Variants in CSMD3 observed in about 807,000 individuals in gnomAD.
The protein encoded by CSMD3 is CUB and sushi domain-containing protein 3.
A neutral mutation model predicts 435.2 loss-of-function variants in CSMD3; 177 were observed. That is an observed-to-expected ratio of 0.41 (90% CI 0.36 to 0.46). The LOEUF is 0.46. CSMD3 is among the 20% of genes least tolerant of loss of function. The probability of loss-of-function intolerance (pLI) is 0.34; values close to 1 mark genes in which losing one functional copy is unlikely to be tolerated. For synonymous variants in CSMD3, 1,656 were observed against 1,520.5 expected, an observed-to-expected ratio of 1.09 and a Z score of -2.07; for missense variants, 4,265 against 4,504.6, an observed-to-expected ratio of 0.95 and a Z score of 1.52.
At chr8:112,773,901 T>TA (rs1318499638) in intron 13 of CSMD3, among the ~76,000 whole-genome samples, 1 of 152,022 alleles carries the variant, frequency 6.6e-6, no homozygotes, top group Non-Finnish European at 1.5e-5. Context: ...GCGTGAGCTT[T>TA]TAGGAAAGCA....
At chr8:112,340,506 C>T (rs977308703) in intron 42 of CSMD3, among the ~76,000 whole-genome samples, 1 of 152,040 alleles carries the variant, frequency 6.6e-6, no homozygotes, top group African/African-American at 2.4e-5. Context: ...GCTTATGATA[C>T]TCCAATGAAC....
intron 27 of CSMD3, among the ~76,000 whole-genome samples, chr8:112,538,622 C>T (rs982303436): frequency 2.6e-5 from 4 of 151,482 alleles, no homozygotes; most frequent in African/African-American, 4.9e-5. Context: ...ATATAAAATA[C>T]CTAGAAATAA....
At chr8:113,091,050 T>C (rs924518312) in intron 5 of CSMD3, among the ~76,000 whole-genome samples, 2 of 152,148 alleles carry the variant, frequency 1.3e-5, no homozygotes, top group African/African-American at 4.8e-5. Context: ...TATCTTTTTA[T>C]ACTTTGCTCT....
intron 9 of CSMD3, among the ~76,000 whole-genome samples, chr8:112,945,438 T>C (rs1160195013): frequency 6.6e-6 from 1 of 151,756 alleles, no homozygotes; most frequent in East Asian, 1.9e-4. Context: ...GCAGGTGAGC[T>C]AAATGAGTAA....
chr8:112,468,234 A>G (rs7835916), intron 32 of CSMD3, among the ~76,000 whole-genome samples: 1,377 of 93,654 alleles, frequency 0.015, 54 homozygotes, highest in East Asian at 0.11. Flanking sequence ...TGCCTAAAGT[A>G]TTTTTTTTTT....
chr8:112,279,724 C>T (rs1818445852), intron 59 of CSMD3, among the ~76,000 whole-genome samples: 1 of 152,086 alleles, frequency 6.6e-6, no homozygotes, highest in Non-Finnish European at 1.5e-5. Context: ...ATTACCACAG[C>T]CTAAATACCC....
chr8:113,150,851 G>A (rs2091789062), intron 4 of CSMD3, among the ~76,000 whole-genome samples: 1 of 151,956 alleles, frequency 6.6e-6, no homozygotes, highest in African/African-American at 2.4e-5. Flanking sequence ...ATTTAGAACT[G>A]ACATCGTTCT....
intron 12 of CSMD3, among the ~76,000 whole-genome samples, chr8:112,810,532 T>A (rs943285635): frequency 2.0e-5 from 3 of 152,114 alleles, no homozygotes; most frequent in Non-Finnish European, 4.4e-5. Flanking sequence ...ACTGTTATTA[T>A]AATTAAATTA....
intron 58 of CSMD3, among the ~76,000 whole-genome samples, chr8:112,282,624 G>A (rs59534399): frequency 0.24 from 35,801 of 151,840 alleles, 4,376 homozygotes; most frequent in East Asian, 0.36. Context: ...TGGCCAAATC[G>A]TACTGTTGTT....
At position 112,716,124 on chromosome 8, in the gene CSMD3, G is replaced by A. The variant is rs138994847; in HGVS notation, c.1973-26074C>T. On this transcript the variant is annotated intron_variant, in intron 13 of 70. Coordinates refer to ENST00000297405, the MANE Select transcript of CSMD3 (RefSeq NM_198123.2). ...AAAGGGTATTCAAATAGGAAGAGAGGAAGTCAAATTGTTTCTGTTTTCAGA... is the reference window on the plus strand; with the variant it reads ...AAAGGGTATTCAAATAGGAAGAGAGAAAGTCAAATTGTTTCTGTTTTCAGA... Among the ~76,000 whole-genome samples, 408 of 152,268 alleles carry A rather than the reference G, an allele frequency of 2.7e-3. 1 individual carries two copies. Among genetic ancestry groups the A allele is most frequent in the Non-Finnish European group, 4.7e-3 (320 of 68,022 alleles).
chr8:112,291,679 A>T lies in CSMD3; in HGVS notation c.8805T>A (p.Asp2935Glu). The T allele has an allele frequency of 6.2e-7, 1 of 1,612,148 alleles. No homozygotes were observed. Among genetic ancestry groups the T allele is most frequent in the East Asian group, 2.2e-5 (1 of 44,714 alleles). ...TTTTAGAATTGGCTGGAATTCCAGG[A>T]TCAGAACAGTTGACCACTAAACAAA... ...PPMCKVVNCS[D>E]PGIPANSKRE... The change falls in exon 56 of 71, where the codon GAT (aspartate) becomes GAA (glutamate). Residue 2935 changes from aspartate (D) to glutamate (E), a missense_variant. By Grantham distance (45) the Asp-to-Glu change is conservative. This residue lies in a region of CSMD3 where 3,255 missense variants were observed against 3,380.2 expected (regional missense o/e 0.96). Coordinates refer to ENST00000297405, the MANE Select transcript of CSMD3 (RefSeq NM_198123.2).
intron 5 of CSMD3, among the ~76,000 whole-genome samples, chr8:113,081,210 T>C (rs2089550115): frequency 6.6e-6 from 1 of 152,182 alleles, no homozygotes; most frequent in Non-Finnish European, 1.5e-5. Context: ...TAGAATTTTA[T>C]TTTTTCATGT....
At chr8:113,030,975 A>T (rs978212697) in intron 5 of CSMD3, among the ~76,000 whole-genome samples, 1 of 151,636 alleles carries the variant, frequency 6.6e-6, no homozygotes, top group South Asian at 2.1e-4. Context: ...CAGAATGGCT[A>T]AAATTAAAAA....
intron 65 of CSMD3, among the ~76,000 whole-genome samples, chr8:112,243,400 C>G (rs148422035): frequency 6.6e-6 from 1 of 152,024 alleles, no homozygotes; most frequent in Non-Finnish European, 1.5e-5. Flanking sequence ...TTGTTGATGA[C>G]CTTACCAAAA....
At chr8:113,389,083 T>C (rs1050466830) in intron 1 of CSMD3, among the ~76,000 whole-genome samples, 1 of 151,614 alleles carries the variant, frequency 6.6e-6, no homozygotes, top group Non-Finnish European at 1.5e-5. Context: ...AAATATAAAA[T>C]GTCTACTGGG....
intron 2 of CSMD3, chr8:113,311,253 C>T (rs919120405): frequency 2.6e-5 from 4 of 152,154 alleles, no homozygotes; most frequent in South Asian, 4.1e-4. Flanking sequence ...AATTATCTAA[C>T]GGTGCTTTGC....
intron 23 of CSMD3, among the ~76,000 whole-genome samples, chr8:112,584,473 G>A (rs1830564953): frequency 6.6e-6 from 1 of 151,606 alleles, no homozygotes; most frequent in African/African-American, 2.4e-5. Context: ...GTGAGCAAGT[G>A]AGTGCCATCC....
intron 22 of CSMD3, among the ~76,000 whole-genome samples, chr8:112,623,597 G>T (rs983412911): frequency 6.6e-6 from 1 of 151,144 alleles, no homozygotes; most frequent in Non-Finnish European, 1.5e-5. Flanking sequence ...CATGTGCCAT[G>T]CTGGTGTGCT....
chr8:112,237,135 C>A (rs2129986210), intron 67 of CSMD3, 55 bp downstream of exon 67: 2 of 1,551,384 alleles, frequency 1.3e-6, no homozygotes, highest in South Asian at 1.1e-5. Context: ...ATGATGAAAT[C>A]ATAATAGAAA....
Sources: gnomAD v4.1 joint callset for allele counts (sites outside exome capture counted in the v4.1 genomes callset) on GRCh38, gnomAD v4.1.1 for gene constraint, gnomAD v4.1.1 regional missense constraint, MANE v1.5 for transcripts, NCBI Gene and HGNC (gene_info 2026-07-23, HGNC 2026-07-21) for gene names.